Variants in RTEL1 observed in about 807,000 individuals in gnomAD.
The protein encoded by RTEL1 is regulator of telomere elongation helicase 1.
A neutral mutation model predicts 162.2 loss-of-function variants in RTEL1; 86 were observed. The ratio of observed to expected loss-of-function variants is 0.53; its 90% CI spans 0.45 to 0.63. RTEL1 has a LOEUF of 0.63. Ranked by LOEUF, RTEL1 falls within the 30% of genes least tolerant of loss-of-function variation. The pLI is 0.00. For missense variants in RTEL1, 1,941 were observed against 1,750.2 expected (o/e 1.11, Z -1.95); for synonymous variants, 958 against 717.9 (o/e 1.33, Z -5.35).
At chr20:63,686,295 C>G (rs539696120) in intron 16 of RTEL1, 3 of 243,926 alleles carry the variant, frequency 1.2e-5, no homozygotes, top group Non-Finnish European at 2.5e-5. Flanking sequence ...TCCGAAGCCC[C>G]TGGTGCGCTC....
intron 31 of RTEL1, 35 bp from the exon 32 acceptor site, chr20:63,694,706 C>T (rs1389594471): frequency 1.3e-6 from 2 of 1,533,184 alleles, no homozygotes; most frequent in South Asian, 1.2e-5. Flanking sequence ...TCCTCCACCC[C>T]AGCGCCACTC....
intron 10 of RTEL1, among the ~76,000 whole-genome samples, chr20:63,675,839 A>G (rs1056069560): frequency 3.9e-5 from 6 of 152,200 alleles, no homozygotes; most frequent in African/African-American, 1.2e-4. Context: ...GGAGAGTGAC[A>G]GGTCTCCTTC....
Position 63,690,795 on chromosome 20 carries a change from G to T in RTEL1, c.2414-10G>T. On this transcript the variant is annotated splice_polypyrimidine_tract_variant and intron_variant, in intron 26 of 34. Transcript: ENST00000360203. Reference sequence around the variant, plus strand: ...CGTGGGCTTCACTGCGCACTCGGGTGCCCCTGCAGGGTCACCAGCTGCCGG... The same window carrying T: ...CGTGGGCTTCACTGCGCACTCGGGTTCCCCTGCAGGGTCACCAGCTGCCGG... 6.3e-7 allele frequency: 1 copy of T among 1,598,796 alleles called. No individual in the cohort carries two copies. The highest frequency in any genetic ancestry group is 8.5e-7 in the Non-Finnish European group (1 of 1,174,636).
At position 63,689,773 on chromosome 20, in the gene RTEL1, C is replaced by T. The variant is rs745736556; in HGVS notation, c.2049C>T (p.Tyr683=). ...GGQFLSGQEW[Y]RQQASRAVNQ... ...AGTTCCTCTCTGGGCAGGAGTGGTA[C>T]CGGCAGCAGGCGTCCAGGGCTGTGA... Residue 683 remains tyrosine, a synonymous_variant, in exon 24 of 35, where the codon TAC becomes TAT. Coordinates refer to ENST00000360203, the MANE Select transcript of RTEL1 (RefSeq NM_001283009.2). 1.2e-6 allele frequency: 2 copies of T among 1,612,200 alleles called. No homozygotes were observed. The highest frequency in any genetic ancestry group is 1.7e-5 in the Admixed American group (1 of 60,012).
chr20:63,678,258 C>A lies in RTEL1; in HGVS notation c.959-10C>A. Reference sequence around the variant, plus strand: ...TGCGAGGAGGTGGGTGACACCTCCTCGACCCACAGTGATCCTGCTGCGCCT... The same window carrying A: ...TGCGAGGAGGTGGGTGACACCTCCTAGACCCACAGTGATCCTGCTGCGCCT... On this transcript the variant is annotated splice_polypyrimidine_tract_variant and intron_variant, in intron 11 of 34. Transcript: ENST00000360203. The A allele has an allele frequency of 6.2e-7, 1 of 1,612,532 alleles. No individual in the cohort carries two copies. Among genetic ancestry groups the A allele is most frequent in the Non-Finnish European group, 8.5e-7 (1 of 1,179,014 alleles).
chr20:63,681,050 C>G, intron 14 of RTEL1: 1 of 985,424 alleles, frequency 1.0e-6, no homozygotes, highest in Non-Finnish European at 1.2e-6. Context: ...CCCCAGCAGC[C>G]CCAGCTGCAC....
Position 63,675,876 on chromosome 20 carries a change from C to T in RTEL1, c.919+1783C>T, listed in dbSNP as rs149312040. ...CTCATCTCGGCAGCTGCCATTTCAT[C>T]GCTTACATAACGTGGGAGAAACATC... On this transcript the variant is annotated intron_variant, in intron 10 of 34. Coordinates refer to ENST00000360203, the MANE Select transcript of RTEL1 (RefSeq NM_001283009.2). Among the ~76,000 whole-genome samples the T allele has an allele frequency of 3.0e-3, 464 of 152,326 alleles. 2 individuals carry two copies. Among genetic ancestry groups the T allele is most frequent in the Middle Eastern group, 6.8e-3 (2 of 294 alleles).
chr20:63,693,418 G>A lies in RTEL1; in HGVS notation c.2992+135G>A. The A allele has an allele frequency of 6.9e-6, 7 of 1,014,166 alleles. No homozygotes were observed. In the South Asian group the frequency reaches 7.7e-5, roughly 11 times the overall value. 62.8% of individuals were successfully genotyped at this position (1,014,166 alleles called of 1,614,324 possible). ...CTCTGTTCCCCTATGGGAGTGATGG[G>A]GGCCTCCACCTCCACCACCAGCACC... On this transcript the variant is annotated intron_variant, in intron 30 of 34. Coordinates refer to ENST00000360203, the MANE Select transcript of RTEL1 (RefSeq NM_001283009.2).
chr20:63,667,390 G>A lies in RTEL1; in HGVS notation c.615-79G>A, dbSNP rs935391274. 1.1e-5 allele frequency: 12 copies of A among 1,132,404 alleles called. No individual in the cohort carries two copies. The highest frequency in any genetic ancestry group is 1.9e-4 in the Middle Eastern group (1 of 5,144). 70.1% of individuals were successfully genotyped at this position (1,132,404 alleles called of 1,614,324 possible). A position where few individuals can be genotyped will look rare whatever the true frequency, so the allele number is the denominator to read the frequency against. ...TACGTGCAGGATGAGGGCTCCTTCC[G>A]GGTCAGAAGACATGGCGGCCTCGGG... On this transcript the variant is annotated intron_variant, in intron 7 of 34. Coordinates refer to ENST00000360203, the MANE Select transcript of RTEL1 (RefSeq NM_001283009.2).
At chr20:63,694,202 G>A (rs1160177683) in intron 30 of RTEL1, 170 bp from the exon 31 acceptor site, 7 of 633,166 alleles carry the variant, frequency 1.1e-5, no homozygotes, top group Non-Finnish European at 2.0e-5. Context: ...CATCCAGCAG[G>A]CTGGTGTCTC....
Position 63,685,496 on chromosome 20 carries a change from C to T in RTEL1, c.1192-27C>T, listed in dbSNP as rs140885939. On this transcript the variant is annotated intron_variant, in intron 14 of 34. Transcript: ENST00000360203. ...AAGTCGGGTGGCCTCAGGCTCCTGA[C>T]GGGGCTGCACTTCCTCTGCCTTTCA... is the stretch of plus-strand genomic sequence containing the variant. The T allele has an allele frequency of 2.2e-4, 352 of 1,608,084 alleles. No individual in the cohort carries two copies. The African/African-American group carries it at 3.5e-3, about 16-fold the overall frequency.
At chr20:63,662,151 A>G (rs1369730960) in intron 4 of RTEL1, among the ~76,000 whole-genome samples, 1 of 152,142 alleles carries the variant, frequency 6.6e-6, no homozygotes, top group Non-Finnish European at 1.5e-5. Flanking sequence ...GCAGCTTTGC[A>G]TCTGTGTGCT....
chr20:63,682,199 A>C lies in RTEL1; in HGVS notation c.1191+1480A>C, dbSNP rs2090489708. 5 of 985,334 alleles carry C rather than the reference A, an allele frequency of 5.1e-6. No individual in the cohort carries two copies. The South Asian group carries it at 2.3e-4, about 46-fold the overall frequency. The allele number at this position is 985,334 out of a possible 1,614,324, so 61.0% of individuals were successfully genotyped here. On this transcript the variant is annotated intron_variant, in intron 14 of 34. Transcript: ENST00000360203. The stretch of plus-strand genomic sequence containing the variant: ...TGGCTTCTGAGGTTCCTACACTCGA[A>C]CTGAATCCTGGAATGCGGCTTCCAA...
At position 63,693,456 on chromosome 20, in the gene RTEL1, T is replaced by TCCACCACCTCCACCTCCACCACCTCCA. The variant is rs1262595789; in HGVS notation, c.2992+178_2992+179insACCTCCACCTCCACCACCTCCACCACC. Reference sequence around the variant, plus strand: ...CACCACCAGCACCAGCAGCACCACCTCCACCTCCACCTCCACCTCCACCTC... The same window carrying TCCACCACCTCCACCTCCACCACCTCCA: ...CACCACCAGCACCAGCAGCACCACCTCCACCACCTCCACCTCCACCACCTCCACCACCTCCACCTCCACCTCCACCTC... On this transcript the variant is annotated intron_variant, in intron 30 of 34. Transcript: ENST00000360203. Among the ~76,000 whole-genome samples the TCCACCACCTCCACCTCCACCACCTCCA allele has an allele frequency of 1.4e-4, 3 of 21,072 alleles. No individual in the cohort carries two copies. The East Asian group carries it at 3.7e-3, about 26-fold the overall frequency. 13.8% of individuals were successfully genotyped at this position (21,072 alleles called of 152,430 possible).
Position 63,693,220 on chromosome 20 carries a change from G to A in RTEL1, c.2929G>A (p.Gly977Ser). The A allele has an allele frequency of 1.2e-6, 2 of 1,612,128 alleles. No homozygotes were observed. Among genetic ancestry groups the A allele is most frequent in the African/African-American group, 1.3e-5 (1 of 74,960 alleles). The change falls in exon 30 of 35, where the codon GGC becomes AGC. Residue 977 changes from glycine (G) to serine (S), a missense_variant. Transcript: ENST00000360203. ...VCIQLTGRGCGYRPEHSIPRR... is the reference protein window; with the variant it reads ...VCIQLTGRGCSYRPEHSIPRR... Reference sequence around the variant, plus strand: ...TATCCAGCTGACAGGACGAGGCTGTGGCTATCGGCCTGAGCACAGCATTCC... The same window carrying A: ...TATCCAGCTGACAGGACGAGGCTGTAGCTATCGGCCTGAGCACAGCATTCC...
intron 28 of RTEL1, chr20:63,692,438 T>C: frequency 2.9e-6 from 1 of 338,998 alleles, no homozygotes; most frequent in Non-Finnish European, 5.6e-6. Context: ...CGGAAGCCCC[T>C]CCTTGTGCGC....
intron 12 of RTEL1, 59 bp downstream of exon 12, chr20:63,678,405 C>T: frequency 6.7e-7 from 1 of 1,499,772 alleles, no homozygotes; most frequent in Non-Finnish European, 9.1e-7. Flanking sequence ...AGAAACGGGC[C>T]ATGGTGCAGT....
chr20:63,666,347 G>A (rs1006978217), intron 7 of RTEL1, among the ~76,000 whole-genome samples: 1 of 152,250 alleles, frequency 6.6e-6, no homozygotes, highest in Non-Finnish European at 1.5e-5. Context: ...GGAAGCACGC[G>A]CAGTTTTGTC....
At chr20:63,663,499 G>A (rs1365820161) in intron 6 of RTEL1, among the ~76,000 whole-genome samples, 2 of 152,218 alleles carry the variant, frequency 1.3e-5, no homozygotes, top group African/African-American at 2.4e-5. Flanking sequence ...GTGACTGCAC[G>A]TGGCCACAGC....
Sources: gnomAD v4.1 joint callset for allele counts (sites outside exome capture counted in the v4.1 genomes callset) on GRCh38, gnomAD v4.1.1 for gene constraint, MANE v1.5 for transcripts, NCBI Gene and HGNC (gene_info 2026-07-23, HGNC 2026-07-21) for gene names.